Variants in SOX5 observed in about 807,000 individuals in gnomAD.
SOX5 encodes the protein SRY-box transcription factor 5.
SOX5 carries 9 observed loss-of-function variants against 92.0 expected under a neutral mutation model. That is an observed-to-expected ratio of 0.10 (90% confidence interval 0.06 to 0.17). The LOEUF is 0.17. Among genes scored for constraint, SOX5 ranks in the 10% least tolerant of loss-of-function variants. The probability of loss-of-function intolerance (pLI) is 1.00; values close to 1 mark genes in which losing one functional copy is unlikely to be tolerated. For synonymous variants in SOX5, 344 were observed against 336.3 expected (o/e 1.02, Z -0.25); for missense variants, 642 against 944.5 (o/e 0.68, Z 4.20).
At chr12:24,108,451 AATG>A (rs1192261078) in intron 4 of SOX5, among the ~76,000 whole-genome samples, 3 of 152,094 alleles carry the variant, frequency 2.0e-5, no homozygotes, top group African/African-American at 7.2e-5. Flanking sequence ...CTCTTTTCTG[AATG>A]ATGTGATTTA....
At chr12:24,217,207 C>T (rs967237105) in intron 3 of SOX5, among the ~76,000 whole-genome samples, 20 of 152,136 alleles carry the variant, frequency 1.3e-4, no homozygotes, top group Non-Finnish European at 1.5e-5. Context: ...AATTTTGTAG[C>T]CAATTCTGCC....
At chr12:24,288,151 G>T (rs764686477) in intron 2 of SOX5, among the ~76,000 whole-genome samples, 1 of 152,140 alleles carries the variant, frequency 6.6e-6, no homozygotes, top group Non-Finnish European at 1.5e-5. Flanking sequence ...ATTTGGGAGT[G>T]TCTGGAAATA....
intron 2 of SOX5, among the ~76,000 whole-genome samples, chr12:23,857,857 T>C (rs1317906850): frequency 6.6e-6 from 1 of 151,790 alleles, no homozygotes; most frequent in Non-Finnish European, 1.5e-5. Context: ...CTCAGCCTCC[T>C]GAGTAGGTGG....
In SOX5 at chr12:23,831,216, T is replaced by A. The variant is rs548292020; in HGVS notation, c.481+14767A>T. ...AGAAGGTGCAATCAATTAAAGTGAA[T>A]TATTTTTGTGACAGATGCAAATATC... On this transcript the variant is annotated intron_variant, in intron 3 of 14. Transcript: ENST00000451604. Among the ~76,000 whole-genome samples the A allele has an allele frequency of 1.6e-4, 24 of 152,264 alleles. No individual in the cohort carries two copies. In the South Asian group the frequency reaches 2.5e-3, roughly 16 times the overall value.
intron 3 of SOX5, among the ~76,000 whole-genome samples, chr12:24,259,100 T>G (rs1941690846): frequency 6.6e-6 from 1 of 152,194 alleles, no homozygotes; most frequent in South Asian, 2.1e-4. Context: ...TTTAGGTTGG[T>G]GCAAAAGTAA....
At chr12:24,051,168 C>A (rs537974659) in intron 4 of SOX5, among the ~76,000 whole-genome samples, 1 of 152,272 alleles carries the variant, frequency 6.6e-6, no homozygotes, top group South Asian at 2.1e-4. Flanking sequence ...CACCCTCAAC[C>A]AAATTCAAGG....
Position 24,144,747 on chromosome 12 carries a change from C to T in SOX5, c.-2+68596G>A, listed in dbSNP as rs555495075. Among the ~76,000 whole-genome samples the T allele has an allele frequency of 1.1e-4, 16 of 151,878 alleles. No homozygotes were observed. The East Asian group carries it at 1.2e-3, about 11-fold the overall frequency. Reference sequence around the variant, plus strand: ...GGGAGGCTGAGGCAGGAGGATTGCTCGGGCCCAGGAGTTCAAGGCTGCAGT... The same window carrying T: ...GGGAGGCTGAGGCAGGAGGATTGCTTGGGCCCAGGAGTTCAAGGCTGCAGT... On this transcript the variant is annotated intron_variant, in intron 4 of 4. Transcript: ENST00000446891.
intron 6 of SOX5, among the ~76,000 whole-genome samples, chr12:23,724,549 C>T (rs111898224): frequency 6.6e-6 from 1 of 151,988 alleles, no homozygotes; most frequent in Non-Finnish European, 1.5e-5. Flanking sequence ...TTTACAAATC[C>T]TAAGATTACT....
intron 2 of SOX5, among the ~76,000 whole-genome samples, chr12:23,851,300 T>C (rs1459927320): frequency 6.6e-6 from 1 of 152,110 alleles, no homozygotes; most frequent in Non-Finnish European, 1.5e-5. Context: ...AAATCTGAAA[T>C]ACAAGACAGA....
intron 6 of SOX5, among the ~76,000 whole-genome samples, chr12:23,728,620 T>A (rs1370436861): frequency 6.6e-6 from 1 of 152,180 alleles, no homozygotes; most frequent in South Asian, 2.1e-4. Flanking sequence ...AGAACTTTGG[T>A]GCCAATAAAA....
rs761160621 is a variant in SOX5, at chr12:23,728,078, G to T, written c.810+6606C>A. Reference sequence around the variant, plus strand: ...TGGCTCCCTCTGAGTGAAAGGACAGGGCTGCAGGCAGTTATCCTTACGAAC... The same window carrying T: ...TGGCTCCCTCTGAGTGAAAGGACAGTGCTGCAGGCAGTTATCCTTACGAAC... On this transcript the variant is annotated intron_variant, in intron 6 of 14. Coordinates refer to ENST00000451604, the MANE Select transcript of SOX5 (RefSeq NM_006940.6). Among the ~76,000 whole-genome samples, 753 of 152,252 alleles carry T rather than the reference G, an allele frequency of 4.9e-3. 2 individuals are homozygous for T. Among genetic ancestry groups the T allele is most frequent in the Non-Finnish European group, 6.2e-3 (420 of 68,018 alleles).
chr12:24,066,469 G>GA (rs139518018), intron 4 of SOX5, among the ~76,000 whole-genome samples: 6,917 of 152,104 alleles, frequency 0.045, 173 homozygotes, highest in Admixed American at 0.064. Flanking sequence ...ATGAGTCCTT[G>GA]AAAAAATCAT....
intron 1 of SOX5, among the ~76,000 whole-genome samples, chr12:23,923,802 T>G (rs1010775280): frequency 6.6e-6 from 1 of 152,096 alleles, no homozygotes; most frequent in Non-Finnish European, 1.5e-5. Context: ...TTTATGCTGG[T>G]GCTAAATCTG....
intron 5 of SOX5, among the ~76,000 whole-genome samples, chr12:23,736,582 C>T (rs555157186): frequency 1.3e-4 from 19 of 151,418 alleles, no homozygotes; most frequent in East Asian, 3.9e-4. Context: ...TACCTGGCTG[C>T]GCAAAAAAAT....
chr12:23,654,284 C>A (rs186330318), intron 7 of SOX5, among the ~76,000 whole-genome samples: 1 of 151,972 alleles, frequency 6.6e-6, no homozygotes, highest in Admixed American at 6.6e-5. Flanking sequence ...TTATAATATT[C>A]CATAATTTAT....
chr12:24,176,984 T>G lies in SOX5; in HGVS notation c.-2+36359A>C, dbSNP rs7979641. The stretch of plus-strand genomic sequence containing the variant: ...AGTCAAGTTTTGTTTTTTGTTTTTT[T>G]TTTTTTTTTTTGTCATCAATTTAGT... On this transcript the variant is annotated intron_variant, in intron 4 of 4. Coordinates refer to the SOX5 transcript ENST00000446891. Among the ~76,000 whole-genome samples, 257 of 123,680 alleles carry G rather than the reference T, an allele frequency of 2.1e-3. 4 individuals are homozygous for G. In the South Asian group the frequency reaches 0.05, roughly 24 times the overall value. The allele number at this position is 123,680 out of a possible 152,430, so 81.1% of individuals were successfully genotyped here.
chr12:24,376,890 T>TTG (rs1957341026), intron 1 of SOX5, among the ~76,000 whole-genome samples: 1 of 149,864 alleles, frequency 6.7e-6, no homozygotes, highest in Non-Finnish European at 1.5e-5. Flanking sequence ...TTTTTTTTTT[T>TTG]TGTAGAGATG....
chr12:24,343,923 CTTTAT>C (rs775773063), intron 2 of SOX5, among the ~76,000 whole-genome samples: 1 of 152,114 alleles, frequency 6.6e-6, no homozygotes, highest in Non-Finnish European at 1.5e-5. Context: ...CTTAGTACTA[CTTTAT>C]AACTTTGGAT....
chr12:23,962,082 A>T (rs1660853843), intron 4 of SOX5, among the ~76,000 whole-genome samples: 1 of 152,190 alleles, frequency 6.6e-6, no homozygotes, highest in South Asian at 2.1e-4. Context: ...CAATGCAGAG[A>T]TGGAAATATT....
Sources: gnomAD v4.1 joint callset for allele counts (sites outside exome capture counted in the v4.1 genomes callset) on GRCh38, gnomAD v4.1.1 for gene constraint, MANE v1.5 for transcripts, NCBI Gene and HGNC (gene_info 2026-07-23, HGNC 2026-07-21) for gene names.